CDK14: variants seen among roughly 807,000 people sequenced by gnomAD.
CDK14 encodes the protein cyclin dependent kinase 14, also known as cyclin-dependent kinase 14.
CDK14 carries 34 observed loss-of-function variants against 60.7 expected under a neutral mutation model. The observed-to-expected ratio is 0.56, with a 90% CI of 0.43 to 0.75. The LOEUF is 0.75. Among genes scored for constraint, CDK14 ranks in the 30% least tolerant of loss-of-function variants. CDK14 has a pLI of 0.00. For missense variants in CDK14, 482 were observed against 564.1 expected, an observed-to-expected ratio of 0.85 and a Z score of 1.47; for synonymous variants, 197 against 203.7, an observed-to-expected ratio of 0.97 and a Z score of 0.28.
chr7:90,601,589 C>T (rs1400724588), intron 1 of CDK14, among the ~76,000 whole-genome samples: 1 of 152,176 alleles, frequency 6.6e-6, no homozygotes, highest in Non-Finnish European at 1.5e-5. Context: ...TTGATACCTC[C>T]AGACCCCACC....
chr7:90,881,704 A>G (rs943707184), intron 6 of CDK14, among the ~76,000 whole-genome samples: 4 of 152,214 alleles, frequency 2.6e-5, no homozygotes, highest in African/African-American at 9.6e-5. Flanking sequence ...CGGGTCACCT[A>G]CAAAGGGAAG....
chr7:90,787,807 A>G (rs1490753715), intron 4 of CDK14, among the ~76,000 whole-genome samples: 2 of 152,228 alleles, frequency 1.3e-5, no homozygotes, highest in Non-Finnish European at 1.5e-5. Flanking sequence ...TTCATGGAGA[A>G]TTCAGAATAT....
At chr7:90,726,877 C>G (rs534792084) in intron 3 of CDK14, 65 bp downstream of exon 3, 27 of 1,562,936 alleles carry the variant, frequency 1.7e-5, no homozygotes, top group Non-Finnish European at 2.4e-5. Flanking sequence ...TGATAGCATG[C>G]GGTGCTGGAA....
intron 5 of CDK14, among the ~76,000 whole-genome samples, chr7:90,842,287 C>A (rs1562794736): frequency 6.6e-6 from 1 of 152,070 alleles, no homozygotes; most frequent in Non-Finnish European, 1.5e-5. Flanking sequence ...TTCTTTGTTC[C>A]TGTCAAACGA....
intron 2 of CDK14, among the ~76,000 whole-genome samples, chr7:90,626,623 C>T (rs1248605064): frequency 6.6e-6 from 1 of 152,176 alleles, no homozygotes; most frequent in Non-Finnish European, 1.5e-5. Flanking sequence ...ATGTCATTAA[C>T]ATTTTTCTTG....
At chr7:91,016,489 A>G (rs1008158864) in intron 10 of CDK14, among the ~76,000 whole-genome samples, 1 of 152,180 alleles carries the variant, frequency 6.6e-6, no homozygotes, top group African/African-American at 2.4e-5. Flanking sequence ...TTATGGTACC[A>G]TATGGCTCCA....
At chr7:90,848,090 G>T (rs558176929) in intron 5 of CDK14, among the ~76,000 whole-genome samples, 135 of 152,034 alleles carry the variant, frequency 8.9e-4, no homozygotes, top group Non-Finnish European at 1.4e-3. Flanking sequence ...GTCTGTCAAG[G>T]CATAAGCATG....
intron 14 of CDK14, among the ~76,000 whole-genome samples, chr7:91,189,445 C>T (rs1039657269): frequency 6.6e-6 from 1 of 152,140 alleles, no homozygotes; most frequent in Non-Finnish European, 1.5e-5. Context: ...GATCTCTTCA[C>T]TATTGATAGT....
chr7:90,807,026 A>G (rs1357465062), intron 5 of CDK14, among the ~76,000 whole-genome samples: 1 of 152,048 alleles, frequency 6.6e-6, no homozygotes, highest in Non-Finnish European at 1.5e-5. Context: ...GCCTCTGTAG[A>G]CTCCACCTCT....
chr7:90,709,872 T>A, intron 2 of CDK14: 1 of 1,361,594 alleles, frequency 7.3e-7, no homozygotes, highest in Non-Finnish European at 9.5e-7. Flanking sequence ...AGTTGCTGTA[T>A]GAGCCTGGCC....
intron 11 of CDK14, among the ~76,000 whole-genome samples, chr7:91,048,957 C>G (rs1486392369): frequency 6.6e-6 from 1 of 152,134 alleles, no homozygotes; most frequent in Non-Finnish European, 1.5e-5. Flanking sequence ...TCACTGCAGC[C>G]TCGACCTTCC....
intron 1 of CDK14, among the ~76,000 whole-genome samples, chr7:90,602,320 G>C (rs1351432350): frequency 2.0e-5 from 3 of 152,216 alleles, no homozygotes; most frequent in Admixed American, 6.5e-5. Context: ...GTATGAGGCT[G>C]TATGGCAATT....
At chr7:91,082,994 G>A (rs562037790) in intron 12 of CDK14, among the ~76,000 whole-genome samples, 24 of 152,246 alleles carry the variant, frequency 1.6e-4, no homozygotes, top group Admixed American at 1.2e-3. Context: ...AGCTAGAGTT[G>A]TAAATGTCTT....
At chr7:90,708,815 T>G (rs1801961274) in intron 2 of CDK14, among the ~76,000 whole-genome samples, 1 of 152,214 alleles carries the variant, frequency 6.6e-6, no homozygotes, top group South Asian at 2.1e-4. Flanking sequence ...CCTTTTTTAT[T>G]TCTTGCCTAA....
chr7:90,717,067 C>A (rs1277393778), intron 2 of CDK14, among the ~76,000 whole-genome samples: 1 of 152,000 alleles, frequency 6.6e-6, no homozygotes, highest in Non-Finnish European at 1.5e-5. Context: ...CTTATACAGA[C>A]AACTAACAAT....
intron 10 of CDK14, among the ~76,000 whole-genome samples, chr7:90,989,004 G>GTGTGTA (rs1795458467): frequency 7.2e-6 from 1 of 138,996 alleles, no homozygotes; most frequent in Non-Finnish European, 1.6e-5. Flanking sequence ...GTGTGTGAGT[G>GTGTGTA]TGTGTGTGTG....
At position 90,649,394 on chromosome 7, in the gene CDK14, C is replaced by CTTCT. The variant is rs1226736024; in HGVS notation, c.123+45169_123+45172dup. Among the ~76,000 whole-genome samples, 67 of 29,786 alleles carry CTTCT rather than the reference C, an allele frequency of 2.2e-3. 11 individuals are homozygous for CTTCT. The highest frequency in any genetic ancestry group is 6.6e-3 in the South Asian group (5 of 754). The allele number at this position is 29,786 out of a possible 152,430, so 19.5% of individuals were successfully genotyped here. A position where few individuals can be genotyped will look rare whatever the true frequency, so the allele number is the denominator to read the frequency against. On this transcript the variant is annotated intron_variant, in intron 2 of 14. Coordinates refer to ENST00000380050, the MANE Select transcript of CDK14 (RefSeq NM_001287135.2). ...CCTTCCTTCCTTCCTTCCTTCCTTC[C>CTTCT]TTCTTTCTTTCTTTCTTTCTTTCTT... is the stretch of plus-strand genomic sequence containing the variant.
intron 14 of CDK14, among the ~76,000 whole-genome samples, chr7:91,192,871 G>A (rs1005679360): frequency 5.9e-5 from 9 of 152,102 alleles, no homozygotes; most frequent in African/African-American, 1.9e-4. Context: ...ATCTAAATAG[G>A]GACCCACACT....
At chr7:91,195,073 C>T (rs1470433188) in intron 14 of CDK14, among the ~76,000 whole-genome samples, 1 of 152,212 alleles carries the variant, frequency 6.6e-6, no homozygotes, top group Non-Finnish European at 1.5e-5. Flanking sequence ...GAGCTGTTGA[C>T]ACTTTAATTG....
Sources: gnomAD v4.1 joint callset for allele counts (sites outside exome capture counted in the v4.1 genomes callset) on GRCh38, gnomAD v4.1.1 for gene constraint, MANE v1.5 for transcripts, NCBI Gene and HGNC (gene_info 2026-07-23, HGNC 2026-07-21) for gene names.